The following STK3 variants were observed in gnomAD, a reference collection of about 807,000 sequenced individuals.
STK3 encodes the protein serine/threonine-protein kinase 3.
STK3 carries 41 observed loss-of-function variants against 58.0 expected under a neutral mutation model. The observed-to-expected ratio is 0.71, with a 90% CI of 0.55 to 0.92. The LOEUF (loss-of-function observed/expected upper bound fraction) is 0.92. Among genes scored for constraint, STK3 ranks in the 40% least tolerant of loss-of-function variants. STK3 has a pLI of 0.00. For synonymous variants in STK3, 170 were observed against 191.0 expected, an observed-to-expected ratio of 0.89 and a Z score of 0.91; for missense variants, 479 against 602.7, an observed-to-expected ratio of 0.79 and a Z score of 2.15.
At chr8:98,768,556 A>G (rs1167984543) in intron 2 of STK3, among the ~76,000 whole-genome samples, 1 of 152,132 alleles carries the variant, frequency 6.6e-6, no homozygotes, top group Non-Finnish European at 1.5e-5. Context: ...GGGGGAATGT[A>G]TGTGTGTGTA....
rs147176543 is a variant in STK3, at chr8:98,541,702, C to G, written c.1141+6267G>C. ...TAACAGGACCACCAGCTAGGTCACA[C>G]TACATAGTGTCTACAAGGGTATCAT... On this transcript the variant is annotated intron_variant, in intron 9 of 10. Transcript: ENST00000419617. Among the ~76,000 whole-genome samples, 510 of 152,292 alleles carry G rather than the reference C, an allele frequency of 3.3e-3. 1 individual carries two copies. The highest frequency in any genetic ancestry group is 5.7e-3 in the Non-Finnish European group (388 of 68,012).
At chr8:98,898,292 A>G (rs1036928129) in intron 1 of STK3, among the ~76,000 whole-genome samples, 1 of 152,188 alleles carries the variant, frequency 6.6e-6, no homozygotes, top group African/African-American at 2.4e-5. Context: ...TTCCTGTCAA[A>G]CAGACTCTGT....
Position 98,767,384 on chromosome 8 carries a change from A to G in STK3, c.108-13T>C. The G allele has an allele frequency of 6.3e-7, 1 of 1,576,878 alleles. No homozygotes were observed. The highest frequency in any genetic ancestry group is 8.6e-7 in the Non-Finnish European group (1 of 1,169,408). On this transcript the variant is annotated splice_polypyrimidine_tract_variant and intron_variant, in intron 2 of 10. Transcript: ENST00000419617. ...ACTTCCATAAGACCTAAAAGAAACC[A>G]AGACATTATTTTTTTCCTATCAAAC...
chr8:98,842,458 T>C (rs1440825884), intron 3 of STK3, among the ~76,000 whole-genome samples: 1 of 152,202 alleles, frequency 6.6e-6, no homozygotes, highest in Non-Finnish European at 1.5e-5. Flanking sequence ...GGCAGACCGT[T>C]AGAACTCAGG....
At chr8:98,769,904 A>T (rs1440350561) in intron 2 of STK3, among the ~76,000 whole-genome samples, 1 of 152,224 alleles carries the variant, frequency 6.6e-6, no homozygotes, top group Non-Finnish European at 1.5e-5. Flanking sequence ...ATTCTTACAG[A>T]AACAGGGTTG....
chr8:98,597,238 T>C, intron 6 of STK3: 1 of 975,108 alleles, frequency 1.0e-6, no homozygotes. Context: ...GCATTATCAT[T>C]GGTTTCTTAC....
chr8:98,741,629 C>T (rs1482836235), intron 4 of STK3, among the ~76,000 whole-genome samples: 1 of 152,022 alleles, frequency 6.6e-6, no homozygotes, highest in African/African-American at 2.4e-5. Flanking sequence ...ACTAAATGCC[C>T]ACAAGAGAAA....
At chr8:98,820,473 T>C (rs1236341686) in intron 1 of STK3, among the ~76,000 whole-genome samples, 2 of 152,226 alleles carry the variant, frequency 1.3e-5, no homozygotes, top group African/African-American at 2.4e-5. Context: ...TGGTAAAGTG[T>C]CTCACTCCAG....
chr8:98,888,197 T>C (rs1838062465), intron 1 of STK3, among the ~76,000 whole-genome samples: 3 of 152,120 alleles, frequency 2.0e-5, no homozygotes, highest in Admixed American at 2.0e-4. Flanking sequence ...TGCGTGTCTG[T>C]AGTCCCAGCT....
chr8:98,620,487 T>A (rs183521338), intron 6 of STK3, among the ~76,000 whole-genome samples: 2 of 136,054 alleles, frequency 1.5e-5, no homozygotes, highest in East Asian at 2.1e-4. Flanking sequence ...AATAAATAAA[T>A]AAATAAATAA....
chr8:98,481,925 G>T (rs1821887162), intron 10 of STK3, among the ~76,000 whole-genome samples: 1 of 152,074 alleles, frequency 6.6e-6, no homozygotes, highest in South Asian at 2.1e-4. Context: ...AAAAAATTTA[G>T]TCATTGAAGT....
At chr8:98,617,502 CA>C (rs1205941796) in intron 6 of STK3, among the ~76,000 whole-genome samples, 1 of 145,950 alleles carries the variant, frequency 6.9e-6, no homozygotes, top group African/African-American at 2.5e-5. Flanking sequence ...AAAAACCCTT[CA>C]AAAAATCAAT....
rs756606196 is a variant in STK3 at position 98,776,226 on chromosome 8, C to A, written c.27-1407G>T. On this transcript the variant is annotated intron_variant, in intron 1 of 10. Transcript: ENST00000419617. Reference sequence around the variant, plus strand: ...ATGCAGAAGGCACACTAAGTGTAAACCTGCTGTGTGGGAAAGATTGGGTTC... The same window carrying A: ...ATGCAGAAGGCACACTAAGTGTAAAACTGCTGTGTGGGAAAGATTGGGTTC... Among the ~76,000 whole-genome samples the A allele has an allele frequency of 3.3e-4, 50 of 152,172 alleles. 1 individual carries two copies. Among genetic ancestry groups the A allele is most frequent in the Non-Finnish European group, 2.5e-4 (17 of 68,028 alleles).
chr8:98,471,618 T>C (rs2131227356), intron 10 of STK3, among the ~76,000 whole-genome samples: 1 of 152,300 alleles, frequency 6.6e-6, no homozygotes, highest in South Asian at 2.1e-4. Context: ...AAAGAGTGGC[T>C]ATACGACTAC....
intron 6 of STK3, among the ~76,000 whole-genome samples, chr8:98,664,685 G>A (rs1034877850): frequency 1.3e-5 from 2 of 152,070 alleles, no homozygotes; most frequent in Non-Finnish European, 2.9e-5. Flanking sequence ...TAACTGAAAA[G>A]GAGATGAACT....
At chr8:98,808,123 C>A (rs1833999792) in intron 1 of STK3, among the ~76,000 whole-genome samples, 1 of 152,142 alleles carries the variant, frequency 6.6e-6, no homozygotes, top group Non-Finnish European at 1.5e-5. Flanking sequence ...TTATGTAGAA[C>A]AATAATCAAA....
chr8:98,868,401 C>A lies in STK3; in HGVS notation c.110+15246G>T, dbSNP rs369690857. Among the ~76,000 whole-genome samples the A allele has an allele frequency of 3.9e-5, 6 of 152,256 alleles. No individual in the cohort carries two copies. The East Asian group carries it at 7.7e-4, about 20-fold the overall frequency. On this transcript the variant is annotated intron_variant, in intron 3 of 12. Coordinates refer to the STK3 transcript ENST00000523601. ...GGATAGCAACACTCAGGGAGTTAAACCCTCAGTGCATGTTTCTTAGGTGTG... is the reference window on the plus strand; with the variant it reads ...GGATAGCAACACTCAGGGAGTTAAAACCTCAGTGCATGTTTCTTAGGTGTG...
At chr8:98,647,814 CATTATCTA>C (rs1205163604) in intron 6 of STK3, among the ~76,000 whole-genome samples, 1 of 152,210 alleles carries the variant, frequency 6.6e-6, no homozygotes, top group Non-Finnish European at 1.5e-5. Context: ...GCCTTGATGT[CATTATCTA>C]ATGTCTCCTC....
chr8:98,667,178 T>C (rs1368003210), intron 6 of STK3, among the ~76,000 whole-genome samples: 1 of 152,180 alleles, frequency 6.6e-6, no homozygotes. Context: ...AAACTTCCAA[T>C]TATGTGTCCT....
Sources: gnomAD v4.1 joint callset for allele counts (sites outside exome capture counted in the v4.1 genomes callset) on GRCh38, gnomAD v4.1.1 for gene constraint, MANE v1.5 for transcripts, NCBI Gene and HGNC (gene_info 2026-07-23, HGNC 2026-07-21) for gene names.